The following KCTD8 variants were observed in gnomAD, a reference collection of about 807,000 sequenced individuals.
The protein encoded by KCTD8 is BTB/POZ domain-containing protein KCTD8.
In KCTD8, 27 loss-of-function variants were observed where a neutral mutation model predicts 31.5. That is an observed-to-expected ratio of 0.86 (90% CI 0.63 to 1.18). The LOEUF is 1.18. Ranked by LOEUF, KCTD8 falls within the 50% of genes most tolerant of loss-of-function variation. The probability of loss-of-function intolerance (pLI) is 0.00; values close to 1 mark genes in which losing one functional copy is unlikely to be tolerated. For synonymous variants in KCTD8, 290 were observed against 280.0 expected, an observed-to-expected ratio of 1.04 and a Z score of -0.36; for missense variants, 658 against 647.7, an observed-to-expected ratio of 1.02 and a Z score of -0.17.
chr4:44,316,896 T>C (rs1248205804), intron 1 of KCTD8, among the ~76,000 whole-genome samples: 13 of 144,876 alleles, frequency 9.0e-5, no homozygotes, highest in Admixed American at 7.7e-4. Flanking sequence ...AAGAATGACA[T>C]GAACTCAGGA....
intron 1 of KCTD8, among the ~76,000 whole-genome samples, chr4:44,393,029 C>T (rs1720410944): frequency 1.3e-5 from 2 of 151,992 alleles, no homozygotes; most frequent in South Asian, 4.1e-4. Context: ...TTGAGAAATG[C>T]TGACACTGAA....
At chr4:44,300,841 T>C (rs1330251469) in intron 1 of KCTD8, among the ~76,000 whole-genome samples, 1 of 151,638 alleles carries the variant, frequency 6.6e-6, no homozygotes, top group Non-Finnish European at 1.5e-5. Context: ...GCATTAGGTA[T>C]ATCTCCCAAA....
chr4:44,407,565 T>C (rs920742053), intron 1 of KCTD8, among the ~76,000 whole-genome samples: 1 of 152,080 alleles, frequency 6.6e-6, no homozygotes, highest in East Asian at 1.9e-4. Flanking sequence ...TTTGTATTTT[T>C]AGTAGAGACG....
At chr4:44,440,746 G>A (rs759364426) in intron 1 of KCTD8, among the ~76,000 whole-genome samples, 24 of 152,162 alleles carry the variant, frequency 1.6e-4, no homozygotes, top group Non-Finnish European at 1.2e-4. Flanking sequence ...CACAGAGACA[G>A]AAACCTACTG....
intron 1 of KCTD8, among the ~76,000 whole-genome samples, chr4:44,306,234 A>G (rs1717800272): frequency 1.3e-5 from 2 of 152,050 alleles, no homozygotes; most frequent in African/African-American, 4.8e-5. Flanking sequence ...AGTTAAAAAG[A>G]GATAAATAAA....
Position 44,239,958 on chromosome 4 carries a change from T to C in KCTD8, c.962-64708A>G, listed in dbSNP as rs142404736. On this transcript the variant is annotated intron_variant, in intron 1 of 1. Transcript: ENST00000360029. ...CTTGAAGATTTGATAAGCCTTCTTG[T>C]ACATTTCATGCCAATTACCTCCCTG... 3.9e-5 allele frequency among the ~76,000 whole-genome samples: 6 copies of C among 152,344 alleles called. No individual in the cohort carries two copies. In the East Asian group the frequency reaches 1.2e-3, roughly 29 times the overall value.
intron 1 of KCTD8, among the ~76,000 whole-genome samples, chr4:44,403,427 T>TA (rs35324683): frequency 0.011 from 1,579 of 144,070 alleles, 24 homozygotes; most frequent in African/African-American, 0.038. Flanking sequence ...GGGCTACCAT[T>TA]AAAAAAAAAA....
chr4:44,316,761 T>A (rs1577611961), intron 1 of KCTD8, among the ~76,000 whole-genome samples: 1 of 109,670 alleles, frequency 9.1e-6, no homozygotes, highest in Admixed American at 1.2e-4. Context: ...CCATCCTGGC[T>A]AACACAGTGA....
intron 1 of KCTD8, among the ~76,000 whole-genome samples, chr4:44,331,004 T>A (rs1240067088): frequency 2.0e-5 from 3 of 151,874 alleles, no homozygotes; most frequent in East Asian, 3.9e-4. Flanking sequence ...AGATACTTTA[T>A]GAGAAGACAG....
At chr4:44,261,464 T>C (rs766384444) in intron 1 of KCTD8, among the ~76,000 whole-genome samples, 1 of 151,976 alleles carries the variant, frequency 6.6e-6, no homozygotes, top group Admixed American at 6.6e-5. Context: ...TATCGACATC[T>C]ATTTTCAGAA....
At chr4:44,278,450 T>C (rs1299181888) in intron 1 of KCTD8, among the ~76,000 whole-genome samples, 3 of 151,960 alleles carry the variant, frequency 2.0e-5, no homozygotes, top group Non-Finnish European at 4.4e-5. Context: ...AGAATATTAA[T>C]ATAGTAGAAT....
At chr4:44,415,627 G>A (rs959952445) in intron 1 of KCTD8, among the ~76,000 whole-genome samples, 1 of 152,158 alleles carries the variant, frequency 6.6e-6, no homozygotes, top group African/African-American at 2.4e-5. Context: ...TACAGCCATG[G>A]CTAAAAGGAC....
chr4:44,354,556 G>A (rs2109426574), intron 1 of KCTD8, among the ~76,000 whole-genome samples: 1 of 152,116 alleles, frequency 6.6e-6, no homozygotes, highest in African/African-American at 2.4e-5. Context: ...TCCTCTTCCT[G>A]GATCATTTAA....
At chr4:44,254,311 G>T (rs1354698709) in intron 1 of KCTD8, among the ~76,000 whole-genome samples, 2 of 151,984 alleles carry the variant, frequency 1.3e-5, no homozygotes, top group Middle Eastern at 3.4e-3. Flanking sequence ...TATTTTCAAA[G>T]AAAGTATTGG....
intron 1 of KCTD8, among the ~76,000 whole-genome samples, chr4:44,256,241 C>A (rs1029903828): frequency 7.9e-5 from 12 of 151,856 alleles, no homozygotes; most frequent in Admixed American, 7.9e-4. Flanking sequence ...GGGGACGCAG[C>A]CAAACCATAT....
At chr4:44,443,961 T>C (rs560755309) in intron 1 of KCTD8, among the ~76,000 whole-genome samples, 2 of 152,136 alleles carry the variant, frequency 1.3e-5, no homozygotes, top group Non-Finnish European at 2.9e-5. Flanking sequence ...TCACTGTTTT[T>C]CCCCCAAGAA....
intron 1 of KCTD8, among the ~76,000 whole-genome samples, chr4:44,398,745 A>G (rs916267560): frequency 6.6e-6 from 1 of 152,222 alleles, no homozygotes; most frequent in African/African-American, 2.4e-5. Flanking sequence ...TGACTCCTGC[A>G]GAATGAGCCA....
chr4:44,348,566 TGTAA>T (rs1199902698), intron 1 of KCTD8, among the ~76,000 whole-genome samples: 1 of 152,210 alleles, frequency 6.6e-6, no homozygotes, highest in Admixed American at 6.5e-5. Context: ...TCTTCACTAC[TGTAA>T]GTTTTTATTT....
At chr4:44,363,160 C>T (rs1022119828) in intron 1 of KCTD8, among the ~76,000 whole-genome samples, 2 of 151,992 alleles carry the variant, frequency 1.3e-5, no homozygotes, top group African/African-American at 2.4e-5. Context: ...ATTATAAGTA[C>T]GTTTTTGATC....
Sources: gnomAD v4.1 joint callset for allele counts (sites outside exome capture counted in the v4.1 genomes callset) on GRCh38, gnomAD v4.1.1 for gene constraint, MANE v1.5 for transcripts, NCBI Gene and HGNC (gene_info 2026-07-23, HGNC 2026-07-21) for gene names.